SEC31A: variants seen among roughly 807,000 people sequenced by gnomAD.
SEC31A encodes the protein protein transport protein Sec31A.
SEC31A carries 70 observed loss-of-function variants against 151.0 expected under a neutral mutation model. The ratio of observed to expected loss-of-function variants is 0.46; its 90% CI spans 0.38 to 0.57. SEC31A has a LOEUF of 0.57. Ranked by LOEUF, SEC31A falls within the 20% of genes least tolerant of loss-of-function variation. The pLI is 0.00. For missense variants in SEC31A, 1,330 were observed against 1,471.2 expected, an observed-to-expected ratio of 0.90 and a Z score of 1.57; for synonymous variants, 475 against 505.9, an observed-to-expected ratio of 0.94 and a Z score of 0.82.
At chr4:82,842,777 T>G (rs1408153026) in intron 21 of SEC31A, 7 of 282,226 alleles carry the variant, frequency 2.5e-5, no homozygotes. Flanking sequence ...CTTTTCCTGA[T>G]CCTGTGAAGA....
intron 13 of SEC31A, chr4:82,861,954 C>G (rs1734258026): frequency 4.0e-6 from 1 of 251,738 alleles, no homozygotes; most frequent in South Asian, 1.1e-4. Flanking sequence ...CACTCTGTCG[C>G]CCAGGCTGGA....
intron 23 of SEC31A, 147 bp from the exon 24 acceptor site, chr4:82,827,779 A>G: frequency 1.3e-6 from 1 of 765,034 alleles, no homozygotes; most frequent in South Asian, 1.8e-5. Context: ...ATGAAATTTT[A>G]TGCAGAATAA....
Position 82,819,000 on chromosome 4 carries a change from A to G in SEC31A, c.*74T>C, listed in dbSNP as rs1722767497. The G allele has an allele frequency of 7.8e-7, 1 of 1,274,682 alleles. No homozygotes were observed. The highest frequency in any genetic ancestry group is 1.6e-5 in the South Asian group (1 of 63,758). 79.0% of individuals were successfully genotyped at this position (1,274,682 alleles called of 1,614,324 possible). Reference sequence around the variant, plus strand: ...CAAACATGCTAATGAGGACTAGTCCATGTCTTATAATTTTTTTTTTTAACA... The same window carrying G: ...CAAACATGCTAATGAGGACTAGTCCGTGTCTTATAATTTTTTTTTTTAACA... On this transcript the variant is annotated 3_prime_UTR_variant, in exon 27 of 27. Coordinates refer to ENST00000395310, the MANE Select transcript of SEC31A (RefSeq NM_001077207.4).
chr4:82,824,753 A>G (rs553548296), intron 24 of SEC31A, 79 bp from the exon 25 acceptor site: 2 of 1,487,328 alleles, frequency 1.3e-6, no homozygotes, highest in African/African-American at 2.8e-5. Context: ...TATGTGATAA[A>G]CAGAAACCGA....
chr4:82,821,408 C>T (rs1446033693), intron 25 of SEC31A: 4 of 240,662 alleles, frequency 1.7e-5, no homozygotes, highest in Non-Finnish European at 3.2e-5. Context: ...ATTTGCTGGG[C>T]GTAGTGGCAG....
At chr4:82,850,755 T>C (rs1475740404) in intron 19 of SEC31A, among the ~76,000 whole-genome samples, 1 of 152,208 alleles carries the variant, frequency 6.6e-6, no homozygotes, top group African/African-American at 2.4e-5. Context: ...ACAGTACTTA[T>C]ATCACACTTC....
chr4:82,854,872 A>C, intron 17 of SEC31A, 31 bp downstream of exon 17: 1 of 1,580,056 alleles, frequency 6.3e-7, no homozygotes, highest in South Asian at 1.2e-5. Flanking sequence ...CACGTATGTA[A>C]ATGCAGTTAA....
chr4:82,828,193 A>C (rs943468133), intron 23 of SEC31A, among the ~76,000 whole-genome samples: 3 of 152,116 alleles, frequency 2.0e-5, no homozygotes, highest in Non-Finnish European at 4.4e-5. Flanking sequence ...GATTACAAGC[A>C]CCATAGCATT....
chr4:82,867,502 TATTCTGATTA>T (rs1410027205), intron 8 of SEC31A, among the ~76,000 whole-genome samples, 186 bp from the exon 9 acceptor site: 1 of 152,264 alleles, frequency 6.6e-6, no homozygotes, highest in Non-Finnish European at 1.5e-5. Context: ...TACGATGACC[TATTCTGATTA>T]ACAGGAATGC....
chr4:82,829,202 A>C (rs1006053072), intron 22 of SEC31A, 144 bp from the exon 23 acceptor site: 16 of 634,048 alleles, frequency 2.5e-5, no homozygotes, highest in African/African-American at 2.4e-4. Context: ...TGTGGGGATC[A>C]CTATGTAGCC....
chr4:82,865,647 C>T (rs2149528711), intron 10 of SEC31A, among the ~76,000 whole-genome samples: 1 of 145,844 alleles, frequency 6.9e-6, no homozygotes, highest in East Asian at 2.0e-4. Context: ...CACAGATAAA[C>T]CTTGAGGACA....
At chr4:82,887,971 G>C (rs1459434582) in intron 1 of SEC31A, among the ~76,000 whole-genome samples, 3 of 151,856 alleles carry the variant, frequency 2.0e-5, no homozygotes, top group African/African-American at 7.3e-5. Flanking sequence ...GCGTGAACCC[G>C]GGAGGCAGAG....
intron 14 of SEC31A, among the ~76,000 whole-genome samples, chr4:82,858,854 C>A (rs920149536): frequency 6.6e-6 from 1 of 151,672 alleles, no homozygotes; most frequent in Non-Finnish European, 1.5e-5. Context: ...AGGTGCCCAC[C>A]ACCATGCCTG....
chr4:82,853,596 C>G lies in SEC31A; in HGVS notation c.2128G>C (p.Asp710His), dbSNP rs1560619506. 1.2e-5 allele frequency: 19 copies of G among 1,585,386 alleles called. No individual in the cohort carries two copies. The highest frequency in any genetic ancestry group is 1.5e-5 in the Non-Finnish European group (18 of 1,172,380). ...KLVACWTKAQ[D>H]GSHPLSLQDL... ...TGAAGTGACAAAGGGTGGCTTCCAT[C>G]TTGAGCTTTAGTCCAACATGCAACT... The change falls in exon 18 of 27, where the codon GAT becomes CAT. Residue 710 changes from aspartate to histidine, a missense_variant. Transcript: ENST00000395310.
chr4:82,837,904 G>A (rs982969157), intron 22 of SEC31A, among the ~76,000 whole-genome samples: 4 of 152,180 alleles, frequency 2.6e-5, no homozygotes, highest in African/African-American at 4.8e-5. Flanking sequence ...CAGGGAAAAT[G>A]TTAGTGCCAA....
intron 14 of SEC31A, among the ~76,000 whole-genome samples, chr4:82,859,355 G>T (rs966781759): frequency 6.6e-6 from 1 of 152,074 alleles, no homozygotes; most frequent in Non-Finnish European, 1.5e-5. Flanking sequence ...AATATAATGG[G>T]GGCATTTTGC....
intron 20 of SEC31A, 148 bp downstream of exon 20, chr4:82,848,656 C>A: frequency 1.7e-6 from 1 of 592,198 alleles, no homozygotes; most frequent in East Asian, 3.3e-5. Context: ...ACAAATACAA[C>A]TTCAAGATTC....
At chr4:82,871,487 A>G (rs1736661726) in intron 7 of SEC31A, 1 of 1,162,746 alleles carries the variant, frequency 8.6e-7, no homozygotes, top group Admixed American at 2.0e-5. Flanking sequence ...TAACTGACAT[A>G]AACATTAAGT....
chr4:82,887,891 A>C (rs1203749297), intron 1 of SEC31A, among the ~76,000 whole-genome samples: 1 of 151,220 alleles, frequency 6.6e-6, no homozygotes, highest in African/African-American at 2.4e-5. Flanking sequence ...CTAAAAATAC[A>C]AAAAATTAGC....
Sources: allele counts gnomAD v4.1 joint callset (sites outside exome capture counted in the v4.1 genomes callset), GRCh38; gene constraint gnomAD v4.1.1; transcripts MANE v1.5; gene names NCBI Gene and HGNC (gene_info 2026-07-23, HGNC 2026-07-21).